The following DNAJC21 variants were observed in gnomAD, a reference collection of about 807,000 sequenced individuals.
DNAJC21 encodes dnaJ homolog subfamily C member 21.
DNAJC21 carries 63 observed loss-of-function variants against 72.4 expected under a neutral mutation model. The observed-to-expected ratio is 0.87, with a 90% confidence interval of 0.71 to 1.07. DNAJC21 has a LOEUF of 1.07. Ranked by LOEUF, DNAJC21 falls within the 50% of genes least tolerant of loss-of-function variation. The pLI is 0.00. For synonymous variants in DNAJC21, 203 were observed against 216.7 expected, an observed-to-expected ratio of 0.94 and a Z score of 0.56; for missense variants, 634 against 644.8, an observed-to-expected ratio of 0.98 and a Z score of 0.18.
At chr5:34,952,573 G>GA (rs1047773583) in intron 10 of DNAJC21, 2 of 152,160 alleles carry the variant, frequency 1.3e-5, no homozygotes, top group African/African-American at 2.4e-5. Flanking sequence ...ACAAATGGGG[G>GA]AAAGTATGAA....
chr5:34,954,586 G>C lies in DNAJC21; in HGVS notation c.1468G>C (p.Glu490Gln), dbSNP rs368319540. The C allele has an allele frequency of 3.7e-6, 6 of 1,612,960 alleles. No individual in the cohort carries two copies. The highest frequency in any genetic ancestry group is 5.1e-6 in the Non-Finnish European group (6 of 1,179,592). ...VLISCTTCHS[E>Q]FPSRNKLFDH... ...TATCAGCTGTACAACCTGCCATAGT[G>C]AATTTCCATCTCGGAATAAACTTTT... is the stretch of plus-strand genomic sequence containing the variant. Residue 490 changes from glutamate (E) to glutamine (Q), a missense_variant, in exon 12 of 12, where the codon GAA becomes CAA. Glu to Gln is a conservative substitution (Grantham distance 29). Transcript: ENST00000648817.
chr5:34,952,184 C>A (rs1690962072), intron 10 of DNAJC21: 2 of 984,916 alleles, frequency 2.0e-6, no homozygotes, highest in Non-Finnish European at 2.4e-6. Context: ...TCTTAGATAT[C>A]AGCTTCAGAG....
At chr5:34,946,059 T>C (rs1267072645) in intron 9 of DNAJC21, among the ~76,000 whole-genome samples, 2 of 152,174 alleles carry the variant, frequency 1.3e-5, no homozygotes, top group Non-Finnish European at 2.9e-5. Flanking sequence ...CTGGTATGAA[T>C]TAGCTGAATT....
intron 8 of DNAJC21, among the ~76,000 whole-genome samples, chr5:34,945,428 TC>T (rs1370850903): frequency 1.3e-5 from 2 of 152,184 alleles, no homozygotes; most frequent in Non-Finnish European, 2.9e-5. Flanking sequence ...AAAGATTGTC[TC>T]CATATTTTCT....
chr5:34,956,371 A>G lies in DNAJC21; in HGVS notation c.*1657A>G, dbSNP rs948659603. 1.3e-5 allele frequency: 2 copies of G among 151,830 alleles called. No homozygotes were observed. The highest frequency in any genetic ancestry group is 2.1e-4 in the South Asian group (1 of 4,816). 9.4% of individuals were successfully genotyped at this position (151,830 alleles called of 1,614,324 possible). On this transcript the variant is annotated 3_prime_UTR_variant, in exon 12 of 12. Coordinates refer to ENST00000648817, the MANE Select transcript of DNAJC21 (RefSeq NM_001012339.3). ...TTTTTCTTTACCTTCATACCTTTCTATTTCTTGCTAATTTCTATCACTAAT... is the reference window on the plus strand; with the variant it reads ...TTTTTCTTTACCTTCATACCTTTCTGTTTCTTGCTAATTTCTATCACTAAT...
rs1337754225 is a variant in DNAJC21, at chr5:34,937,709, G to T, written c.743+79G>T. On this transcript the variant is annotated intron_variant, in intron 5 of 11. Coordinates refer to ENST00000648817, the MANE Select transcript of DNAJC21 (RefSeq NM_001012339.3). Reference sequence around the variant, plus strand: ...CACCAGAGGTACCTTACATGTTCATGTTGGGTTCAGTCATCAGCCTGGCTT... The same window carrying T: ...CACCAGAGGTACCTTACATGTTCATTTTGGGTTCAGTCATCAGCCTGGCTT... The T allele has an allele frequency of 3.3e-6, 5 of 1,493,244 alleles. No homozygotes were observed. In the African/African-American group the frequency reaches 5.6e-5, roughly 17 times the overall value. The allele number at this position is 1,493,244 out of a possible 1,614,324, so 92.5% of individuals were successfully genotyped here. A position where few individuals can be genotyped will look rare whatever the true frequency, so the allele number is the denominator to read the frequency against.
chr5:34,936,262 A>T lies in DNAJC21; in HGVS notation c.434A>T (p.Asp145Val). The T allele has an allele frequency of 1.2e-6, 2 of 1,606,288 alleles. No individual in the cohort carries two copies. Among genetic ancestry groups the T allele is most frequent in the Non-Finnish European group, 1.7e-6 (2 of 1,178,214 alleles). Residue 145 changes from aspartate to valine, a missense_variant, in exon 4 of 12, where the codon GAT becomes GTT. Coordinates refer to ENST00000648817, the MANE Select transcript of DNAJC21 (RefSeq NM_001012339.3). Reference protein sequence around the residue: ...PTFGDSQSDYDTVVHPFYAYW... With the variant: ...PTFGDSQSDYVTVVHPFYAYW... ...TTTGGAGACTCCCAGAGTGACTATG[A>T]TACGGTAAAATAAAAATGCATTGTT...
chr5:34,951,070 C>G, intron 10 of DNAJC21: 1 of 985,482 alleles, frequency 1.0e-6, no homozygotes, highest in Non-Finnish European at 1.2e-6. Flanking sequence ...ACTGGAGCAA[C>G]AGTGATGGGG....
At chr5:34,942,393 G>A (rs908138341) in intron 7 of DNAJC21, among the ~76,000 whole-genome samples, 15 of 152,086 alleles carry the variant, frequency 9.9e-5, no homozygotes, top group Admixed American at 8.5e-4. Context: ...AAAGCAAAAT[G>A]GGCAATCAGA....
At position 34,955,999 on chromosome 5, in the gene DNAJC21, G is replaced by A. The variant is rs2112112869; in HGVS notation, c.*1285G>A. ...ACCCGGGAGGCGGAGCTTGCAGTGA[G>A]CCGAGATCCCGCCACTGCACTCCAG... On this transcript the variant is annotated 3_prime_UTR_variant, in exon 12 of 12. Coordinates refer to ENST00000648817, the MANE Select transcript of DNAJC21 (RefSeq NM_001012339.3). The A allele has an allele frequency of 7.3e-6, 1 of 136,284 alleles. No homozygotes were observed. The highest frequency in any genetic ancestry group is 2.5e-4 in the South Asian group (1 of 4,048). The allele number at this position is 136,284 out of a possible 1,614,324, so 8.4% of individuals were successfully genotyped here. A position where few individuals can be genotyped will look rare whatever the true frequency, so the allele number is the denominator to read the frequency against.
intron 4 of DNAJC21, 73 bp from the exon 5 acceptor site, chr5:34,937,253 A>G: frequency 6.9e-7 from 1 of 1,449,130 alleles, no homozygotes; most frequent in Non-Finnish European, 9.3e-7. Flanking sequence ...GATGTTTCGC[A>G]TCAGTAATAT....
chr5:34,947,954 T>C (rs1765229424), intron 9 of DNAJC21, among the ~76,000 whole-genome samples: 1 of 152,140 alleles, frequency 6.6e-6, no homozygotes, highest in Non-Finnish European at 1.5e-5. Context: ...CCTGTGCTAT[T>C]GGGATTTTTA....
At chr5:34,929,953 A>G in intron 1 of DNAJC21, 37 bp downstream of exon 1, 1 of 1,512,008 alleles carries the variant, frequency 6.6e-7, no homozygotes, top group Non-Finnish European at 8.9e-7. Context: ...GGCCACTCGG[A>G]GAAGCCCGGC....
chr5:34,951,853 T>TG (rs1765378147), intron 10 of DNAJC21: 1 of 985,370 alleles, frequency 1.0e-6, no homozygotes, highest in East Asian at 1.1e-4. Flanking sequence ...AGAATTGATC[T>TG]GGGGAGGAAG....
chr5:34,950,919 G>A (rs988973069), intron 10 of DNAJC21: 42 of 985,358 alleles, frequency 4.3e-5, no homozygotes, highest in Non-Finnish European at 4.5e-5. Flanking sequence ...CATCCTCCTC[G>A]GTTCCTCTAG....
At chr5:34,936,114 TAAG>T (rs747631496) in intron 3 of DNAJC21, 27 bp from the exon 4 acceptor site, 407 of 1,592,288 alleles carry the variant, frequency 2.6e-4, no homozygotes, top group Non-Finnish European at 3.3e-4. Flanking sequence ...GCAAAAGTAT[TAAG>T]AATTTGTTTT....
chr5:34,956,633 A>G lies in DNAJC21; in HGVS notation c.*1919A>G, dbSNP rs1230521947. ...AGTCATCTTGAAAGGCAGTTAATGTACTGCAAATGTCCCTATGACTTCTTT... is the reference window on the plus strand; with the variant it reads ...AGTCATCTTGAAAGGCAGTTAATGTGCTGCAAATGTCCCTATGACTTCTTT... On this transcript the variant is annotated 3_prime_UTR_variant, in exon 12 of 12. Coordinates refer to ENST00000648817, the MANE Select transcript of DNAJC21 (RefSeq NM_001012339.3). The G allele has an allele frequency of 6.6e-6, 1 of 152,262 alleles. No individual in the cohort carries two copies. Among genetic ancestry groups the G allele is most frequent in the East Asian group, 1.9e-4 (1 of 5,200 alleles). 9.4% of individuals were successfully genotyped at this position (152,262 alleles called of 1,614,324 possible). A position where few individuals can be genotyped will look rare whatever the true frequency, so the allele number is the denominator to read the frequency against.
chr5:34,942,499 T>C (rs951108342), intron 7 of DNAJC21, among the ~76,000 whole-genome samples: 4 of 151,604 alleles, frequency 2.6e-5, no homozygotes, highest in Admixed American at 2.6e-4. Flanking sequence ...CTAGGGGAAG[T>C]GGAAAGAGGC....
intron 9 of DNAJC21, among the ~76,000 whole-genome samples, chr5:34,948,111 G>A (rs1268331481): frequency 6.6e-6 from 1 of 152,100 alleles, no homozygotes; most frequent in African/African-American, 2.4e-5. Context: ...TGGGAAGAGG[G>A]AAATACAAAT....
Sources: allele counts gnomAD v4.1 joint callset (sites outside exome capture counted in the v4.1 genomes callset), GRCh38; gene constraint gnomAD v4.1.1; transcripts MANE v1.5; gene names NCBI Gene and HGNC (gene_info 2026-07-23, HGNC 2026-07-21).